The following IDE variants were observed in gnomAD, a reference collection of about 807,000 sequenced individuals.
IDE encodes insulin degrading enzyme.
IDE carries 58 observed loss-of-function variants against 133.2 expected under a neutral mutation model. That is an observed-to-expected ratio of 0.44 (90% confidence interval 0.35 to 0.54). IDE has a LOEUF of 0.54. Ranked by LOEUF, IDE falls within the 20% of genes least tolerant of loss-of-function variation. The pLI is 0.00. For synonymous variants in IDE, 396 were observed against 421.3 expected (o/e 0.94, Z 0.73); for missense variants, 981 against 1,234.0 (o/e 0.79, Z 3.07).
intron 3 of IDE, among the ~76,000 whole-genome samples, chr10:92,533,557 C>T (rs1205612384): frequency 1.3e-5 from 2 of 152,082 alleles, no homozygotes; most frequent in African/African-American, 2.4e-5. Flanking sequence ...CTTGGCATCA[C>T]AGAAAACTAT....
At position 92,506,523 on chromosome 10, in the gene IDE, C is replaced by T. The variant is rs1291454756; in HGVS notation, c.1246-1G>A. 1 of 1,528,288 alleles carries T rather than the reference C, an allele frequency of 6.5e-7. No homozygotes were observed. The highest frequency in any genetic ancestry group is 1.4e-5 in the African/African-American group (1 of 73,088). 94.7% of individuals were successfully genotyped at this position (1,528,288 alleles called of 1,614,324 possible). ...ACCTAAAAGCAACAGCATTCAAGTC[C>T]TAAAATAGAAAGTTAATCCAATTAG... On this transcript the variant is annotated splice_acceptor_variant, in intron 9 of 24. Transcript: ENST00000265986. LOFTEE classifies it high-confidence loss of function.
intron 1 of IDE, among the ~76,000 whole-genome samples, chr10:92,557,259 A>G (rs958184726): frequency 1.3e-5 from 2 of 152,124 alleles, no homozygotes; most frequent in African/African-American, 4.8e-5. Flanking sequence ...TTAATGGGCC[A>G]GGCACGGCGG....
Position 92,483,323 on chromosome 10 carries a change from G to T in IDE, c.1671C>A (p.Ser557Arg), listed in dbSNP as rs773923620. The T allele has an allele frequency of 1.9e-6, 3 of 1,603,904 alleles. No individual in the cohort carries two copies. The highest frequency in any genetic ancestry group is 2.2e-5 in the East Asian group (1 of 44,828). Residue 557 changes from serine (S) to arginine (R), a missense_variant, in exon 14 of 25, where the codon AGC (serine) becomes AGA (arginine). Physicochemically the swap from Ser to Arg is moderately radical, Grantham distance 110 (BLOSUM62 -1). Transcript: ENST00000265986. ...YPALIKDTAM[S>R]KLWFKQDDKF... ...TATCATCTTGTTTGAACCAAAGTTT[G>T]CTCATAGCTGTATCCTGTGATGGAG...
chr10:92,572,256 T>C (rs920068207), intron 1 of IDE, among the ~76,000 whole-genome samples: 2 of 152,302 alleles, frequency 1.3e-5, no homozygotes, highest in Admixed American at 6.5e-5. Flanking sequence ...GCCTAGCCTA[T>C]CAGTAATGAA....
chr10:92,475,337 T>C (rs1373602619), intron 16 of IDE, among the ~76,000 whole-genome samples: 1 of 152,230 alleles, frequency 6.6e-6, no homozygotes, highest in African/African-American at 2.4e-5. Context: ...TAGGTAGCCA[T>C]ATAAAATATG....
intron 1 of IDE, among the ~76,000 whole-genome samples, chr10:92,545,641 C>G (rs902746123): frequency 1.3e-5 from 2 of 152,084 alleles, no homozygotes; most frequent in African/African-American, 4.8e-5. Flanking sequence ...CTGTACTGGA[C>G]GAAGAGGTAT....
chr10:92,481,439 GAAC>G (rs1016490769), intron 14 of IDE, among the ~76,000 whole-genome samples: 62 of 152,258 alleles, frequency 4.1e-4, no homozygotes, highest in Middle Eastern at 6.8e-3. Context: ...TAAAAAAAGA[GAAC>G]AACAAAAACA....
chr10:92,502,838 T>G (rs780440552), intron 11 of IDE, among the ~76,000 whole-genome samples: 7 of 152,178 alleles, frequency 4.6e-5, no homozygotes, highest in Non-Finnish European at 7.4e-5. Flanking sequence ...CTCTAATGAA[T>G]TCACAGCTGT....
At chr10:92,485,403 G>A (rs1264599548) in intron 13 of IDE, among the ~76,000 whole-genome samples, 1 of 152,146 alleles carries the variant, frequency 6.6e-6, no homozygotes, top group Non-Finnish European at 1.5e-5. Flanking sequence ...ACAGGCGTGA[G>A]CCACTGCATC....
chr10:92,457,749 AGTAACTG>A (rs1845107105), intron 22 of IDE, among the ~76,000 whole-genome samples: 2 of 152,172 alleles, frequency 1.3e-5, no homozygotes, highest in Non-Finnish European at 2.9e-5. Context: ...ACTAGTTACT[AGTAACTG>A]GGCAGTTACT....
intron 1 of IDE, among the ~76,000 whole-genome samples, chr10:92,540,598 T>G (rs1842252472): frequency 6.6e-6 from 1 of 152,204 alleles, no homozygotes; most frequent in South Asian, 2.1e-4. Context: ...CAATTTCCTC[T>G]GTGGTGCTTG....
At chr10:92,505,507 C>G (rs772580025) in intron 10 of IDE, among the ~76,000 whole-genome samples, 11 of 152,148 alleles carry the variant, frequency 7.2e-5, no homozygotes, top group Admixed American at 1.3e-4. Context: ...GTTCCACACA[C>G]TATGGATACA....
intron 4 of IDE, among the ~76,000 whole-genome samples, chr10:92,519,397 C>A (rs1849097443): frequency 6.6e-6 from 1 of 152,190 alleles, no homozygotes; most frequent in South Asian, 2.1e-4. Flanking sequence ...GTACTAAAAT[C>A]TTGAATCCTA....
intron 11 of IDE, among the ~76,000 whole-genome samples, chr10:92,492,192 G>A (rs938363172): frequency 2.0e-5 from 3 of 151,690 alleles, no homozygotes; most frequent in Non-Finnish European, 2.9e-5. Flanking sequence ...CCCGGAAGGC[G>A]GAGCATGCAG....
intron 11 of IDE, among the ~76,000 whole-genome samples, chr10:92,494,502 G>A (rs1450165844): frequency 6.6e-6 from 1 of 152,006 alleles, no homozygotes; most frequent in African/African-American, 2.4e-5. Flanking sequence ...AACACTTTGG[G>A]AGGCCAAGGC....
At chr10:92,467,648 C>T (rs1205963993) in intron 19 of IDE, among the ~76,000 whole-genome samples, 1 of 152,214 alleles carries the variant, frequency 6.6e-6, no homozygotes, top group African/African-American at 2.4e-5. Flanking sequence ...AATATTGTTT[C>T]TACACTGGCC....
intron 1 of IDE, among the ~76,000 whole-genome samples, chr10:92,562,897 T>C (rs1277344988): frequency 6.6e-6 from 1 of 152,192 alleles, no homozygotes; most frequent in Admixed American, 6.5e-5. Context: ...CCCAGCACTT[T>C]GGGAGGCCAA....
rs748471930 is a variant in IDE at position 92,510,097 on chromosome 10, G to C, written c.850C>G (p.Pro284Ala). The C allele has an allele frequency of 3.1e-6, 5 of 1,605,868 alleles. No individual in the cohort carries two copies. Among genetic ancestry groups the C allele is most frequent in the Non-Finnish European group, 4.3e-6 (5 of 1,173,882 alleles). Residue 284 changes from proline (P) to alanine (A), a missense_variant, in exon 6 of 25, where the codon CCA (proline) becomes GCA (alanine). By Grantham distance (27) the Pro-to-Ala change is conservative. Coordinates refer to ENST00000265986, the MANE Select transcript of IDE (RefSeq NM_004969.4). The part of the protein sequence containing the change: ...LFSEVENKNV[P>A]LPEFPEHPFQ... ...GGGTGTTCAGGAAATTCTGGCAATG[G>C]AACATTTTTGTTCTCTACTTCAGAA...
At position 92,484,137 on chromosome 10, in the gene IDE, C is replaced by T. The variant is rs1408489636; in HGVS notation, c.1657-800G>A. On this transcript the variant is annotated intron_variant, in intron 13 of 24. Coordinates refer to ENST00000265986, the MANE Select transcript of IDE (RefSeq NM_004969.4). ...CCTCAGAAACTGTGTGAGGGCCAGGCGCGGTGGCTTCACTCCTATAATCCC... is the reference window on the plus strand; with the variant it reads ...CCTCAGAAACTGTGTGAGGGCCAGGTGCGGTGGCTTCACTCCTATAATCCC... 3.9e-5 allele frequency among the ~76,000 whole-genome samples: 6 copies of T among 152,090 alleles called. No individual in the cohort carries two copies. In the East Asian group the frequency reaches 5.8e-4, roughly 15 times the overall value.
Sources: allele counts gnomAD v4.1 joint callset (sites outside exome capture counted in the v4.1 genomes callset), GRCh38; gene constraint gnomAD v4.1.1; transcripts MANE v1.5; gene names NCBI Gene and HGNC (gene_info 2026-07-23, HGNC 2026-07-21).